SMIM19: variants seen among roughly 807,000 people sequenced by gnomAD.
SMIM19 encodes the protein UPF0697 protein C8orf40.
A neutral mutation model predicts 13.2 loss-of-function variants in SMIM19; 6 were observed. The ratio of observed to expected loss-of-function variants is 0.45; its 90% CI spans 0.25 to 0.90. The LOEUF is 0.90. Ranked by LOEUF, SMIM19 falls within the 40% of genes least tolerant of loss-of-function variation. The pLI, the probability that SMIM19 is intolerant of heterozygous loss-of-function variation, is 0.19. For missense variants in SMIM19, 138 were observed against 131.0 expected (o/e 1.05, Z -0.26); for synonymous variants, 46 against 43.1 (o/e 1.07, Z -0.27).
chr8:42,550,743 G>T (rs1813647240), intron 3 of SMIM19, among the ~76,000 whole-genome samples: 1 of 152,112 alleles, frequency 6.6e-6, no homozygotes, highest in African/African-American at 2.4e-5. Flanking sequence ...GGTAACATAG[G>T]CACAGATTAT....
chr8:42,545,552 A>C (rs532689357), intron 1 of SMIM19, among the ~76,000 whole-genome samples: 11 of 152,128 alleles, frequency 7.2e-5, no homozygotes, highest in African/African-American at 2.6e-4. Flanking sequence ...GTTTTTTGAG[A>C]TGGAGTCCCG....
Position 42,552,538 on chromosome 8 carries a change from G to C in SMIM19, c.260-6G>C. The C allele has an allele frequency of 6.2e-7, 1 of 1,613,578 alleles. No individual in the cohort carries two copies. The highest frequency in any genetic ancestry group is 8.5e-7 in the Non-Finnish European group (1 of 1,179,798). Reference sequence around the variant, plus strand: ...TTTTATCTCTTCTTTTTCTTGTTGTGAATAGCAAGAAAGTACGACTATCAG... The same window carrying C: ...TTTTATCTCTTCTTTTTCTTGTTGTCAATAGCAAGAAAGTACGACTATCAG... On this transcript the variant is annotated splice_polypyrimidine_tract_variant and splice_region_variant and intron_variant, in intron 3 of 3. Coordinates refer to ENST00000417410, the MANE Select transcript of SMIM19 (RefSeq NM_001135674.2).
chr8:42,552,430 A>G (rs112244789), intron 3 of SMIM19, 114 bp from the exon 4 acceptor site: 1 of 1,111,956 alleles, frequency 9.0e-7, no homozygotes, highest in Non-Finnish European at 1.2e-6. Context: ...AAACAAACAG[A>G]CAAAAACTAA....
Position 42,548,370 on chromosome 8 carries a change from C to A in SMIM19, c.135-286C>A, listed in dbSNP as rs1226538631. 24 of 493,424 alleles carry A rather than the reference C, an allele frequency of 4.9e-5. No homozygotes were observed. In the East Asian group the frequency reaches 1.3e-3, roughly 27 times the overall value. The allele number at this position is 493,424 out of a possible 1,614,324, so 30.6% of individuals were successfully genotyped here. A position where few individuals can be genotyped will look rare whatever the true frequency, so the allele number is the denominator to read the frequency against. On this transcript the variant is annotated intron_variant, in intron 2 of 3. Coordinates refer to ENST00000417410, the MANE Select transcript of SMIM19 (RefSeq NM_001135674.2). ...GCTGTTTTCTTGTTTGTGATTTTCT[C>A]ATAGGATATTTGGCTTTTGGAGGAT... is the stretch of plus-strand genomic sequence containing the variant.
In SMIM19 at chr8:42,546,518, T is replaced by G. The variant is rs1295692494; in HGVS notation, c.46T>G (p.Tyr16Asp). Residue 16 changes from tyrosine to aspartate, a missense_variant, in exon 2 of 4, where the codon TAT becomes GAT. Transcript: ENST00000417410. ...GVMGDDGSID[Y>D]TVHEAWNEAT... ...GATGGGTGACGATGGTTCTATTGATTATACTGTTCACGAAGCCTGGAATGA... is the reference window on the plus strand; with the variant it reads ...GATGGGTGACGATGGTTCTATTGATGATACTGTTCACGAAGCCTGGAATGA... 6.2e-7 allele frequency: 1 copy of G among 1,614,214 alleles called. No homozygotes were observed. Among genetic ancestry groups the G allele is most frequent in the South Asian group, 1.1e-5 (1 of 91,076 alleles).
chr8:42,543,622 A>G (rs1563566422), intron 1 of SMIM19, among the ~76,000 whole-genome samples: 1 of 152,206 alleles, frequency 6.6e-6, no homozygotes, highest in Non-Finnish European at 1.5e-5. Context: ...AGCGCTTTTG[A>G]GTAGGAATAT....
At chr8:42,541,206 C>G (rs1168804101), upstream of SMIM19, 1 of 152,118 alleles carries the variant, frequency 6.6e-6, no homozygotes, top group Non-Finnish European at 1.5e-5. Context: ...GCAGGTAATG[C>G]CCGGTCCCTG....
In SMIM19 at chr8:42,546,498, G is replaced by A. The variant is rs200156224; in HGVS notation, c.26G>A (p.Gly9Asp). 2 of 1,613,460 alleles carry A rather than the reference G, an allele frequency of 1.2e-6. No homozygotes were observed. The highest frequency in any genetic ancestry group is 4.5e-5 in the East Asian group (2 of 44,870). Residue 9 changes from glycine (G) to aspartate (D), a missense_variant, in exon 2 of 4, where the codon GGT (glycine) becomes GAT (aspartate). Physicochemically the swap from Gly to Asp is moderately conservative, Grantham distance 94. Coordinates refer to ENST00000417410, the MANE Select transcript of SMIM19 (RefSeq NM_001135674.2). ...ATGGCTGGGGGTTATGGAGTGATGG[G>A]TGACGATGGTTCTATTGATTATACT... MAGGYGVMGDDGSIDYTVH... is the reference protein window; with the variant it reads MAGGYGVMDDDGSIDYTVH...
At chr8:42,552,324 G>C (rs1813701130) in intron 3 of SMIM19, among the ~76,000 whole-genome samples, 1 of 152,086 alleles carries the variant, frequency 6.6e-6, no homozygotes, top group South Asian at 2.1e-4. Context: ...AAGCTGAGGT[G>C]GGAGGATTGC....
chr8:42,542,776 G>A (rs1813300294), intron 1 of SMIM19, among the ~76,000 whole-genome samples: 1 of 151,238 alleles, frequency 6.6e-6, no homozygotes, highest in South Asian at 2.1e-4. Flanking sequence ...AGCCTGGGCA[G>A]TATAGTGAGA....
rs1691270758 is a variant in SMIM19 at position 42,552,756 on chromosome 8, T to C, written c.*148T>C. 1.1e-6 allele frequency: 1 copy of C among 910,028 alleles called. No individual in the cohort carries two copies. The highest frequency in any genetic ancestry group is 1.8e-5 in the South Asian group (1 of 56,666). 56.4% of individuals were successfully genotyped at this position (910,028 alleles called of 1,614,324 possible). On this transcript the variant is annotated 3_prime_UTR_variant, in exon 4 of 4. Coordinates refer to ENST00000417410, the MANE Select transcript of SMIM19 (RefSeq NM_001135674.2). ...ATTGTTCTGTGCATTGTTTTGCCTT[T>C]TTAAATTACATCTCCAAGTGGCTCA...
chr8:42,549,817 C>T (rs1481972016), intron 3 of SMIM19, among the ~76,000 whole-genome samples: 2 of 151,966 alleles, frequency 1.3e-5, no homozygotes, highest in African/African-American at 4.8e-5. Context: ...AGCCTTGGGG[C>T]CAGGTGTGAT....
At chr8:42,551,847 C>T (rs1813685871) in intron 3 of SMIM19, among the ~76,000 whole-genome samples, 1 of 151,988 alleles carries the variant, frequency 6.6e-6, no homozygotes, top group Admixed American at 6.6e-5. Context: ...GGGAGGCTGA[C>T]GTGGCAGGAT....
chr8:42,550,170 G>A (rs1271219692), intron 3 of SMIM19, among the ~76,000 whole-genome samples: 1 of 151,976 alleles, frequency 6.6e-6, no homozygotes, highest in Non-Finnish European at 1.5e-5. Context: ...AGTTTTTATT[G>A]ACACGTACAC....
chr8:42,545,049 A>G (rs1813430014), intron 1 of SMIM19, among the ~76,000 whole-genome samples: 1 of 152,220 alleles, frequency 6.6e-6, no homozygotes, highest in Admixed American at 6.5e-5. Flanking sequence ...ATTCTCAGAA[A>G]CTACAGTGCA....
At chr8:42,544,296 A>G (rs1402891987) in intron 1 of SMIM19, among the ~76,000 whole-genome samples, 1 of 152,040 alleles carries the variant, frequency 6.6e-6, no homozygotes, top group Non-Finnish European at 1.5e-5. Context: ...CTATAGTCCC[A>G]GCTAGTCAGG....
chr8:42,542,575 G>T (rs1813287368), intron 1 of SMIM19: 1 of 688,174 alleles, frequency 1.5e-6, no homozygotes, highest in Non-Finnish European at 1.8e-6. Flanking sequence ...ACAAGCGGTG[G>T]TCAATTTTAG....
intron 3 of SMIM19, 21 bp from the exon 4 acceptor site, chr8:42,552,521 CTT>C (rs1442656729): frequency 4.1e-5 from 66 of 1,613,104 alleles, no homozygotes; most frequent in Non-Finnish European, 5.3e-5. Context: ...AATTTTATCT[CTT>C]CTTTTTCTTG....
At position 42,554,615 on chromosome 8, in the gene SMIM19, C is replaced by T. The variant is rs561530389; in HGVS notation, c.*2007C>T. 11 of 152,200 alleles carry T rather than the reference C, an allele frequency of 7.2e-5. No individual in the cohort carries two copies. Among genetic ancestry groups the T allele is most frequent in the Non-Finnish European group, 1.2e-4 (8 of 68,032 alleles). 9.4% of individuals were successfully genotyped at this position (152,200 alleles called of 1,614,324 possible). On this transcript the variant is annotated 3_prime_UTR_variant, in exon 4 of 4. Coordinates refer to ENST00000417410, the MANE Select transcript of SMIM19 (RefSeq NM_001135674.2). Reference sequence around the variant, plus strand: ...ACTGATGGGAATTGCACACACCCCACTGGCAGGAACAACAGCAAGCCGGCT... The same window carrying T: ...ACTGATGGGAATTGCACACACCCCATTGGCAGGAACAACAGCAAGCCGGCT...
Sources: allele counts gnomAD v4.1 joint callset (sites outside exome capture counted in the v4.1 genomes callset), GRCh38; gene constraint gnomAD v4.1.1; transcripts MANE v1.5; gene names NCBI Gene and HGNC (gene_info 2026-07-23, HGNC 2026-07-21).